Variants in GRK7 observed in about 807,000 individuals in gnomAD.
The protein encoded by GRK7 is G protein-coupled receptor kinase 7.
A neutral mutation model predicts 34.1 loss-of-function variants in GRK7; 24 were observed. The ratio of observed to expected loss-of-function variants is 0.70; its 90% CI spans 0.51 to 0.99. GRK7 has a LOEUF of 0.99. Ranked by LOEUF, GRK7 falls within the 50% of genes least tolerant of loss-of-function variation. The pLI is 0.00. For missense variants in GRK7, 644 were observed against 707.3 expected, an observed-to-expected ratio of 0.91 and a Z score of 1.02; for synonymous variants, 256 against 279.4, an observed-to-expected ratio of 0.92 and a Z score of 0.84.
In GRK7 at chr3:141,816,873, G is replaced by A. The variant is rs763524387; in HGVS notation, c.1485G>A (p.Val495=). ...EIDDFSEVRG[V]EFDDKDKQFF... ...ATGATTTCTCTGAGGTTCGGGGGGT[G>A]GAATTTGATGACAAAGATAAGCAGT... The change falls in exon 6 of 6, where the codon GTG becomes GTA. Residue 495 remains valine, a synonymous_variant. Coordinates refer to ENST00000682958, the MANE Select transcript of GRK7 (RefSeq NM_139209.3). 1 of 1,614,110 alleles carries A rather than the reference G, an allele frequency of 6.2e-7. No individual in the cohort carries two copies. Among genetic ancestry groups the A allele is most frequent in the Non-Finnish European group, 8.5e-7 (1 of 1,180,014 alleles).
chr3:141,786,776 A>G (rs546040739), intron 4 of GRK7, among the ~76,000 whole-genome samples: 13 of 128,458 alleles, frequency 1.0e-4, no homozygotes, highest in South Asian at 2.7e-4. Flanking sequence ...AGACTCTCGG[A>G]AAAAAAAAAA....
intron 4 of GRK7, among the ~76,000 whole-genome samples, chr3:141,789,857 G>A (rs1482198021): frequency 6.6e-6 from 1 of 152,102 alleles, no homozygotes; most frequent in Non-Finnish European, 1.5e-5. Context: ...ACTGTTCTGA[G>A]CTCCATTGTA....
chr3:141,777,978 A>C (rs1442179629), intron 2 of GRK7, among the ~76,000 whole-genome samples, 194 bp from the exon 3 acceptor site: 1 of 152,242 alleles, frequency 6.6e-6, no homozygotes, highest in East Asian at 1.9e-4. Flanking sequence ...TTCAGGGTAC[A>C]GGGCTATGTG....
intron 4 of GRK7, among the ~76,000 whole-genome samples, chr3:141,802,842 C>G (rs1710985112): frequency 6.6e-6 from 1 of 152,170 alleles, no homozygotes; most frequent in African/African-American, 2.4e-5. Context: ...TCCACTCTCT[C>G]CTGTGCTTCC....
intron 3 of GRK7, among the ~76,000 whole-genome samples, 161 bp from the exon 4 acceptor site, chr3:141,780,213 C>T (rs927525639): frequency 2.6e-5 from 4 of 152,154 alleles, no homozygotes; most frequent in Non-Finnish European, 5.9e-5. Flanking sequence ...GAAGGAGTAT[C>T]GCACTGTAGT....
At chr3:141,752,758 G>T in the GRK7 span, among the ~76,000 whole-genome samples, 1 of 152,178 alleles carries the variant, frequency 6.6e-6, no homozygotes, top group Non-Finnish European at 1.5e-5. Context: ...GGACCAAATT[G>T]TGTCTTCCCA....
In GRK7 at chr3:141,776,836, T is replaced by G. The variant is rs186791085; in HGVS notation, c.-113-1336T>G. ...TTTTTTGCTTGTAAACACTTTGGCATAATACTGAATGACTTGTTTTTAAGC... is the reference window on the plus strand; with the variant it reads ...TTTTTTGCTTGTAAACACTTTGGCAGAATACTGAATGACTTGTTTTTAAGC... On this transcript the variant is annotated intron_variant, in intron 2 of 5. Coordinates refer to ENST00000682958, the MANE Select transcript of GRK7 (RefSeq NM_139209.3). Among the ~76,000 whole-genome samples, 267 of 152,316 alleles carry G rather than the reference T, an allele frequency of 1.8e-3. 1 individual carries two copies. The highest frequency in any genetic ancestry group is 2.1e-3 in the Non-Finnish European group (145 of 68,024).
rs756391691 is a variant in GRK7 at position 141,817,043 on chromosome 3, T to G, written c.1655T>G (p.Leu552Ter). ...GNSSKSGVCL[L>*]L is the part of the protein sequence containing the mutation. ...TCATCCAAGTCTGGCGTGTGTTTGT[T>G]ATTGTAAATTGCTCTCTTTACCAGA... is the stretch of plus-strand genomic sequence containing the variant. The change falls in exon 6 of 6, where the codon TTA becomes TGA. Residue 552 changes from leucine to a stop codon, truncating the protein, a stop_gained. Coordinates refer to ENST00000682958, the MANE Select transcript of GRK7 (RefSeq NM_139209.3). LOFTEE classifies it high-confidence loss of function. 9 of 1,593,862 alleles carry G rather than the reference T, an allele frequency of 5.6e-6. No homozygotes were observed. The South Asian group carries it at 1.0e-4, about 18-fold the overall frequency.
At chr3:141,811,012 G>A (rs1371786553) in intron 5 of GRK7, among the ~76,000 whole-genome samples, 4 of 151,948 alleles carry the variant, frequency 2.6e-5, no homozygotes, top group African/African-American at 7.3e-5. Flanking sequence ...CAATTCCCAC[G>A]TTTGATTTAA....
intron 5 of GRK7, among the ~76,000 whole-genome samples, chr3:141,808,584 G>T (rs756572593): frequency 6.6e-6 from 1 of 151,996 alleles, no homozygotes; most frequent in Non-Finnish European, 1.5e-5. Context: ...GCGGTGGCAG[G>T]TGCCTGTAAT....
intron 4 of GRK7, among the ~76,000 whole-genome samples, chr3:141,805,218 C>G (rs916807473): frequency 2.6e-5 from 4 of 152,164 alleles, no homozygotes; most frequent in African/African-American, 9.7e-5. Context: ...CTCTACCAGT[C>G]TCTAAATCCT....
At position 141,818,511 on chromosome 3, in the gene GRK7, AAAAC is replaced by A. The variant is rs913350080; in HGVS notation, c.*1463_*1466del. ...AAAAACAAAACAAAACAAAACAAAA[AAAAC>A]AGAAAAGAAATTGAATTGAAAAAAT... On this transcript the variant is annotated 3_prime_UTR_variant, in exon 6 of 6. Coordinates refer to ENST00000682958, the MANE Select transcript of GRK7 (RefSeq NM_139209.3). 2.0e-5 allele frequency: 3 copies of A among 152,268 alleles called. No homozygotes were observed. Among genetic ancestry groups the A allele is most frequent in the African/African-American group, 7.2e-5 (3 of 41,418 alleles). 9.4% of individuals were successfully genotyped at this position (152,268 alleles called of 1,614,324 possible). A position where few individuals can be genotyped will look rare whatever the true frequency, so the allele number is the denominator to read the frequency against.
At chr3:141,793,861 T>C (rs1221815174) in intron 4 of GRK7, among the ~76,000 whole-genome samples, 1 of 152,186 alleles carries the variant, frequency 6.6e-6, no homozygotes, top group Non-Finnish European at 1.5e-5. Flanking sequence ...TCATGCTCTA[T>C]TTTTCAACCA....
At chr3:141,802,160 C>T (rs955874769) in intron 4 of GRK7, among the ~76,000 whole-genome samples, 4 of 152,000 alleles carry the variant, frequency 2.6e-5, no homozygotes, top group Non-Finnish European at 2.9e-5. Flanking sequence ...CAGAACTAGC[C>T]TGGGAAACAG....
intron 1 of GRK7, among the ~76,000 whole-genome samples, chr3:141,772,369 A>G (rs2084620730): frequency 6.6e-6 from 1 of 152,244 alleles, no homozygotes; most frequent in South Asian, 2.1e-4. Context: ...CTGGGATTAC[A>G]GGCGTGAGCC....
rs2084652355 is a variant in GRK7, at chr3:141,778,409, T to C, written c.125T>C (p.Leu42Pro). The C allele has an allele frequency of 6.2e-7, 1 of 1,612,714 alleles. No homozygotes were observed. Among genetic ancestry groups the C allele is most frequent in the Non-Finnish European group, 8.5e-7 (1 of 1,179,788 alleles). The change falls in exon 3 of 6, where the codon CTG (leucine) becomes CCG (proline). Residue 42 changes from leucine (L) to proline (P), a missense_variant. Leu to Pro is a moderately conservative substitution (Grantham distance 98, BLOSUM62 -3). Transcript: ENST00000682958. The surrounding 1 kb of genome is among the most constrained non-coding windows in gnomAD (Gnocchi z 4.1). ...RRRRSLALPG[L>P]QGCAELRQKL... ...CGGCGTAGCCTGGCCCTGCCCGGGC[T>C]GCAGGGCTGCGCGGAGCTCCGCCAG... is the stretch of plus-strand genomic sequence containing the variant.
At chr3:141,798,798 T>C (rs1464861961) in intron 4 of GRK7, among the ~76,000 whole-genome samples, 1 of 152,240 alleles carries the variant, frequency 6.6e-6, no homozygotes, top group East Asian at 1.9e-4. Flanking sequence ...CGTGCGCCTC[T>C]AATTCCATTC....
In GRK7 at chr3:141,778,459, C is replaced by A; in HGVS notation, c.175C>A (p.Leu59Met). The A allele has an allele frequency of 1.2e-6, 2 of 1,613,178 alleles. No individual in the cohort carries two copies. The highest frequency in any genetic ancestry group is 1.1e-5 in the South Asian group (1 of 91,086). ...RQKLSLNFHSLCEQQPIGRRL... is the reference protein window; with the variant it reads ...RQKLSLNFHSMCEQQPIGRRL... ...GAAGCTGTCCCTGAACTTCCACAGC[C>A]TGTGTGAGCAGCAGCCCATCGGTCG... The change falls in exon 3 of 6, where the codon CTG becomes ATG. Residue 59 changes from leucine to methionine, a missense_variant. Physicochemically the swap from Leu to Met is conservative, Grantham distance 15. Transcript: ENST00000682958. This position sits in a 1 kb window ranked among gnomAD's most constrained non-coding sequence, Gnocchi z 4.1.
At chr3:141,779,068 A>G (rs2084657639) in intron 3 of GRK7, among the ~76,000 whole-genome samples, 172 bp downstream of exon 3, 1 of 152,122 alleles carries the variant, frequency 6.6e-6, no homozygotes. Context: ...CATGGTGTGA[A>G]ATAAAACACA....
Sources: allele counts gnomAD v4.1 joint callset (sites outside exome capture counted in the v4.1 genomes callset), GRCh38; gene constraint gnomAD v4.1.1; non-coding constraint Gnocchi (gnomAD v3.1); transcripts MANE v1.5; gene names NCBI Gene and HGNC (gene_info 2026-07-23, HGNC 2026-07-21).